The following ABL2 variants were observed in gnomAD, a reference collection of about 807,000 sequenced individuals.
ABL2 encodes the protein ABL proto-oncogene 2, non-receptor tyrosine kinase, also known as tyrosine-protein kinase ABL2.
A neutral mutation model predicts 107.7 loss-of-function variants in ABL2; 49 were observed. That is an observed-to-expected ratio of 0.45 (90% confidence interval 0.36 to 0.58). The LOEUF (loss-of-function observed/expected upper bound fraction) is 0.58. Ranked by LOEUF, ABL2 falls within the 20% of genes least tolerant of loss-of-function variation. ABL2 has a pLI of 0.00. For missense variants in ABL2, 1,245 were observed against 1,457.0 expected (o/e 0.85, Z 2.37); for synonymous variants, 549 against 548.6 (o/e 1.00, Z -0.01).
Position 179,154,703 on chromosome 1 carries a change from G to A in ABL2, c.158-21329C>T, listed in dbSNP as rs1325177483. Among the ~76,000 whole-genome samples the A allele has an allele frequency of 4.6e-5, 7 of 152,062 alleles. No homozygotes were observed. The South Asian group carries it at 6.2e-4, about 14-fold the overall frequency. ...AGGACTGACCTATGGTAGAACACAG[G>A]GATTCTTGTGTTCTGGCCAAAAGAA... is the stretch of plus-strand genomic sequence containing the variant. On this transcript the variant is annotated intron_variant, in intron 1 of 11. Transcript: ENST00000502732.
intron 10 of ABL2, 160 bp from the exon 11 acceptor site, chr1:179,110,615 C>T (rs1249708918): frequency 4.7e-6 from 7 of 1,502,990 alleles, no homozygotes; most frequent in Non-Finnish European, 5.3e-6. Context: ...TGGCTTCTTT[C>T]GCCCAGTATC....
At chr1:179,165,149 G>A (rs1328581642) in intron 1 of ABL2, among the ~76,000 whole-genome samples, 1 of 152,122 alleles carries the variant, frequency 6.6e-6, no homozygotes, top group Non-Finnish European at 1.5e-5. Context: ...TTGTGACACA[G>A]CATGTAAAAG....
chr1:179,200,039 C>CT (rs55873652), intron 1 of ABL2, among the ~76,000 whole-genome samples: 1,349 of 84,066 alleles, frequency 0.016, 10 homozygotes, highest in Middle Eastern at 0.024. Context: ...CCCCCAATGC[C>CT]TTTTTTTTTT....
At chr1:179,158,710 T>C (rs1658861060) in intron 1 of ABL2, among the ~76,000 whole-genome samples, 1 of 152,186 alleles carries the variant, frequency 6.6e-6, no homozygotes, top group African/African-American at 2.4e-5. Flanking sequence ...TCCTTATGAA[T>C]ATAGATGCAA....
chr1:179,146,553 G>A (rs998726819), intron 1 of ABL2, among the ~76,000 whole-genome samples: 4 of 152,068 alleles, frequency 2.6e-5, no homozygotes, highest in African/African-American at 9.7e-5. Flanking sequence ...ATATGGTTTG[G>A]CTGTGTCCCT....
At chr1:179,119,982 GAA>G (rs1189625737) in intron 6 of ABL2, among the ~76,000 whole-genome samples, 4 of 151,922 alleles carry the variant, frequency 2.6e-5, no homozygotes, top group Non-Finnish European at 5.9e-5. Flanking sequence ...TTTGGGGGAG[GAA>G]AAAAGGCGGG....
chr1:179,137,427 A>AAT (rs996726615), intron 1 of ABL2, among the ~76,000 whole-genome samples: 7 of 151,610 alleles, frequency 4.6e-5, no homozygotes, highest in African/African-American at 9.7e-5. Flanking sequence ...CACACTTATA[A>AAT]ATATATATAT....
chr1:179,120,753 A>G (rs956278743), intron 5 of ABL2, among the ~76,000 whole-genome samples: 2 of 152,156 alleles, frequency 1.3e-5, no homozygotes, highest in Admixed American at 6.5e-5. Flanking sequence ...CCAACTTAGA[A>G]AGAAAAATGC....
chr1:179,192,804 TAATA>T (rs777929308), intron 1 of ABL2, among the ~76,000 whole-genome samples: 2 of 152,238 alleles, frequency 1.3e-5, no homozygotes, highest in Non-Finnish European at 2.9e-5. Context: ...AACTTCTTCC[TAATA>T]AATACAAGAG....
rs899075575 is a variant in ABL2 at position 179,124,198 on chromosome 1, G to A, written c.687+2179C>T. Among the ~76,000 whole-genome samples, 12 of 150,680 alleles carry A rather than the reference G, an allele frequency of 8.0e-5. No homozygotes were observed. In the South Asian group the frequency reaches 8.4e-4, roughly 11 times the overall value. On this transcript the variant is annotated intron_variant, in intron 4 of 11. Transcript: ENST00000502732. ...GGAACTTGCAGTAAGCCGAGATCGC[G>A]CCACTGCACTCCAGCCGGGGCGACA...
At chr1:179,128,919 AC>A (rs1178705402) in intron 3 of ABL2, among the ~76,000 whole-genome samples, 2 of 152,060 alleles carry the variant, frequency 1.3e-5, no homozygotes, top group Admixed American at 1.3e-4. Flanking sequence ...TCCTAGGCTC[AC>A]GCAATCCTCC....
chr1:179,216,340 A>T (rs1662562938), intron 1 of ABL2, among the ~76,000 whole-genome samples: 1 of 152,272 alleles, frequency 6.6e-6, no homozygotes, highest in Admixed American at 6.5e-5. Flanking sequence ...TCTAATTAGT[A>T]TAATGACAAC....
rs889153379 is a variant in ABL2, at chr1:179,110,473, G to A, written c.1652-18C>T. The A allele has an allele frequency of 4.4e-6, 7 of 1,584,374 alleles. No homozygotes were observed. Among genetic ancestry groups the A allele is most frequent in the East Asian group, 2.2e-5 (1 of 44,706 alleles). Reference sequence around the variant, plus strand: ...AGCTACCTCTGTGAGGAAGACAAGGGGACCAATAAAAAGAACAATTTCATA... The same window carrying A: ...AGCTACCTCTGTGAGGAAGACAAGGAGACCAATAAAAAGAACAATTTCATA... On this transcript the variant is annotated intron_variant, in intron 10 of 11. Transcript: ENST00000502732.
At chr1:179,191,856 T>C (rs1427930522) in intron 1 of ABL2, among the ~76,000 whole-genome samples, 1 of 152,232 alleles carries the variant, frequency 6.6e-6, no homozygotes, top group Non-Finnish European at 1.5e-5. Context: ...AAATGACAGA[T>C]GGAACAATTA....
chr1:179,158,055 G>A (rs905131287), intron 1 of ABL2, among the ~76,000 whole-genome samples: 4 of 152,128 alleles, frequency 2.6e-5, no homozygotes, highest in East Asian at 1.9e-4. Flanking sequence ...GGTGGAATAC[G>A]GTGTTCACAA....
At chr1:179,166,128 C>T (rs961995958) in intron 1 of ABL2, among the ~76,000 whole-genome samples, 2 of 151,964 alleles carry the variant, frequency 1.3e-5, no homozygotes, top group East Asian at 1.9e-4. Context: ...TCAGACCTGA[C>T]GCTAGAAAAC....
intron 1 of ABL2, among the ~76,000 whole-genome samples, chr1:179,189,387 G>A (rs1200295161): frequency 6.6e-6 from 1 of 152,136 alleles, no homozygotes; most frequent in Admixed American, 6.5e-5. Flanking sequence ...GCCCACCTTG[G>A]CTTCCCAAAG....
chr1:179,126,776 T>A lies in ABL2; in HGVS notation c.392-104A>T. 1.7e-6 allele frequency: 2 copies of A among 1,174,248 alleles called. No homozygotes were observed. Among genetic ancestry groups the A allele is most frequent in the Non-Finnish European group, 2.3e-6 (2 of 864,286 alleles). 72.7% of individuals were successfully genotyped at this position (1,174,248 alleles called of 1,614,324 possible). ...TAAACTCATTAAAAAAAAAAAAGAA[T>A]CTAGAACTTTTATGCCAAATTTTTT... On this transcript the variant is annotated intron_variant, in intron 3 of 11. Coordinates refer to ENST00000502732, the MANE Select transcript of ABL2 (RefSeq NM_007314.4). This position sits in a 1 kb window ranked among gnomAD's most constrained non-coding sequence, Gnocchi z 4.4.
At chr1:179,157,513 G>A (rs1658774138) in intron 1 of ABL2, among the ~76,000 whole-genome samples, 1 of 151,690 alleles carries the variant, frequency 6.6e-6, no homozygotes, top group Non-Finnish European at 1.5e-5. Flanking sequence ...AAAAACTTAG[G>A]AATACTGAAC....
Sources: gnomAD v4.1 joint callset for allele counts (sites outside exome capture counted in the v4.1 genomes callset) on GRCh38, gnomAD v4.1.1 for gene constraint, Gnocchi (gnomAD v3.1) non-coding constraint, MANE v1.5 for transcripts, NCBI Gene and HGNC (gene_info 2026-07-23, HGNC 2026-07-21) for gene names.